Variants in BMP6 observed in about 807,000 individuals in gnomAD.
BMP6 encodes bone morphogenetic protein 6.
BMP6 carries 17 observed loss-of-function variants against 54.1 expected under a neutral mutation model. The observed-to-expected ratio is 0.31, with a 90% confidence interval of 0.22 to 0.47. The LOEUF (loss-of-function observed/expected upper bound fraction) is 0.47. Ranked by LOEUF, BMP6 falls within the 20% of genes least tolerant of loss-of-function variation. The pLI is 1.00. For missense variants in BMP6, 720 were observed against 690.4 expected (o/e 1.04, Z -0.48); for synonymous variants, 328 against 291.2 (o/e 1.13, Z -1.28).
chr6:7,800,829 C>G (rs1159030724), intron 1 of BMP6, among the ~76,000 whole-genome samples: 1 of 144,552 alleles, frequency 6.9e-6, no homozygotes, highest in Non-Finnish European at 1.5e-5. Flanking sequence ...CCCACATTTT[C>G]TAGGGTTCTA....
chr6:7,847,686 T>C (rs1759087120), intron 2 of BMP6, among the ~76,000 whole-genome samples: 1 of 152,160 alleles, frequency 6.6e-6, no homozygotes, highest in South Asian at 2.1e-4. Context: ...GCAGAAGTTG[T>C]GTGTCAGCCT....
chr6:7,863,329 A>G (rs1055455495), intron 4 of BMP6, among the ~76,000 whole-genome samples: 6 of 152,204 alleles, frequency 3.9e-5, no homozygotes, highest in Non-Finnish European at 4.4e-5. Context: ...GGCTGGATCC[A>G]TGGGCTCAGA....
intron 2 of BMP6, 151 bp downstream of exon 2, chr6:7,845,483 GT>G: frequency 1.7e-6 from 1 of 595,204 alleles, no homozygotes; most frequent in Non-Finnish European, 2.7e-6. Flanking sequence ...AAATGGGAGT[GT>G]TTAGCTGGTG....
At chr6:7,854,753 G>A (rs941654633) in intron 2 of BMP6, among the ~76,000 whole-genome samples, 3 of 152,204 alleles carry the variant, frequency 2.0e-5, no homozygotes, top group African/African-American at 4.8e-5. Context: ...CCAAGATGAC[G>A]CACTCCAGCC....
At position 7,726,206 on chromosome 6, in the gene BMP6, C is replaced by T. The variant is rs1186342124; in HGVS notation, c.-750C>T. The stretch of plus-strand genomic sequence containing the variant: ...CTCGGTGCACTAGCCCCCTTCCTTC[C>T]CATCCTTTCTGCGAGCGGGTTTGCT... On this transcript the variant is annotated 5_prime_UTR_variant, in exon 1 of 7. Coordinates refer to ENST00000283147, the MANE Select transcript of BMP6 (RefSeq NM_001718.6). Among the ~76,000 whole-genome samples the T allele has an allele frequency of 6.6e-6, 1 of 152,198 alleles. No homozygotes were observed. Among genetic ancestry groups the T allele is most frequent in the African/African-American group, 2.4e-5 (1 of 41,464 alleles).
chr6:7,764,818 C>T (rs1757661721), intron 1 of BMP6, among the ~76,000 whole-genome samples: 1 of 152,158 alleles, frequency 6.6e-6, no homozygotes, highest in African/African-American at 2.4e-5. Context: ...GCAGGTCCCT[C>T]AGCAGTAGCT....
At chr6:7,806,660 C>T (rs1269940340) in intron 1 of BMP6, among the ~76,000 whole-genome samples, 1 of 147,792 alleles carries the variant, frequency 6.8e-6, no homozygotes, top group Non-Finnish European at 1.5e-5. Context: ...ACAGAGATTT[C>T]TTTTTTTTTT....
chr6:7,840,379 G>A (rs1190393266), intron 1 of BMP6, among the ~76,000 whole-genome samples: 1 of 152,200 alleles, frequency 6.6e-6, no homozygotes, highest in Non-Finnish European at 1.5e-5. Flanking sequence ...TGGTTTTCAG[G>A]TTGGGTGATG....
At chr6:7,782,280 T>A (rs1324166179) in intron 1 of BMP6, among the ~76,000 whole-genome samples, 1 of 152,044 alleles carries the variant, frequency 6.6e-6, no homozygotes, top group African/African-American at 2.4e-5. Context: ...AGATTGTAAC[T>A]GGGGCATGCT....
At chr6:7,770,624 C>A (rs1757768242) in intron 1 of BMP6, among the ~76,000 whole-genome samples, 1 of 152,144 alleles carries the variant, frequency 6.6e-6, no homozygotes, top group Non-Finnish European at 1.5e-5. Context: ...TTACCCACAC[C>A]CGGCCCTAAA....
intron 1 of BMP6, among the ~76,000 whole-genome samples, chr6:7,825,262 G>C (rs185524027): frequency 3.5e-4 from 53 of 152,284 alleles, no homozygotes; most frequent in African/African-American, 9.4e-4. Flanking sequence ...CTGCTCAACA[G>C]AGCAAGACCC....
At chr6:7,776,705 C>T (rs1455779463) in intron 1 of BMP6, among the ~76,000 whole-genome samples, 1 of 152,194 alleles carries the variant, frequency 6.6e-6, no homozygotes, top group African/African-American at 2.4e-5. Context: ...GGCTTGAGTG[C>T]AGTGGTGCAA....
At chr6:7,799,958 A>T (rs1758245150) in intron 1 of BMP6, among the ~76,000 whole-genome samples, 1 of 152,172 alleles carries the variant, frequency 6.6e-6, no homozygotes, top group African/African-American at 2.4e-5. Context: ...ACATTCCAAA[A>T]TCATGAAGTC....
Position 7,726,435 on chromosome 6 carries a change from G to A in BMP6, c.-521G>A, listed in dbSNP as rs1248860128. 3.3e-5 allele frequency among the ~76,000 whole-genome samples: 5 copies of A among 152,138 alleles called. No individual in the cohort carries two copies. Among genetic ancestry groups the A allele is most frequent in the African/African-American group, 1.2e-4 (5 of 41,450 alleles). ...GTCGCCGCAGCCTGGGCCCTGCAAC[G>A]GGGTAAACTTCATGGTGGCCCTGCG... is the stretch of plus-strand genomic sequence containing the variant. On this transcript the variant is annotated 5_prime_UTR_variant, in exon 1 of 7. Coordinates refer to ENST00000283147, the MANE Select transcript of BMP6 (RefSeq NM_001718.6).
chr6:7,827,054 G>T (rs568608639), intron 1 of BMP6, among the ~76,000 whole-genome samples: 5 of 152,174 alleles, frequency 3.3e-5, no homozygotes, highest in Non-Finnish European at 7.3e-5. Flanking sequence ...TCTCCTTGGA[G>T]GCTTGCTGCC....
chr6:7,871,381 T>A (rs752751), intron 4 of BMP6, among the ~76,000 whole-genome samples: 1 of 152,036 alleles, frequency 6.6e-6, no homozygotes, highest in Non-Finnish European at 1.5e-5. Flanking sequence ...AAATCTTTGG[T>A]GAGAGGAATG....
In BMP6 at chr6:7,881,043, A is replaced by C. The variant is rs186643126; in HGVS notation, c.*700A>C. On this transcript the variant is annotated 3_prime_UTR_variant, in exon 7 of 7. Coordinates refer to ENST00000283147, the MANE Select transcript of BMP6 (RefSeq NM_001718.6). ...AGACTGATTACACTGAGGTGAGGCT[A>C]CAAGGGGTGTGTAACCGTGTAACAC... The C allele has an allele frequency of 6.5e-6, 1 of 152,806 alleles. No individual in the cohort carries two copies. The highest frequency in any genetic ancestry group is 1.5e-5 in the Non-Finnish European group (1 of 68,466). 9.5% of individuals were successfully genotyped at this position (152,806 alleles called of 1,614,324 possible).
intron 1 of BMP6, among the ~76,000 whole-genome samples, chr6:7,840,316 A>G (rs1327586812): frequency 6.6e-6 from 1 of 152,210 alleles, no homozygotes; most frequent in East Asian, 1.9e-4. Context: ...GTACCTTTGG[A>G]GAGAAGCAGT....
At chr6:7,741,064 C>T (rs1762033896) in intron 1 of BMP6, among the ~76,000 whole-genome samples, 2 of 152,076 alleles carry the variant, frequency 1.3e-5, no homozygotes, top group African/African-American at 2.4e-5. Context: ...ATGCTGTTAT[C>T]CAGCCAGCAC....
Sources: gnomAD v4.1 joint callset for allele counts (sites outside exome capture counted in the v4.1 genomes callset) on GRCh38, gnomAD v4.1.1 for gene constraint, MANE v1.5 for transcripts, NCBI Gene and HGNC (gene_info 2026-07-23, HGNC 2026-07-21) for gene names.